The following RAB10 variants were observed in gnomAD, a reference collection of about 807,000 sequenced individuals.
RAB10 encodes the protein RAB10, member RAS oncogene family.
A neutral mutation model predicts 25.7 loss-of-function variants in RAB10; 5 were observed. The ratio of observed to expected loss-of-function variants is 0.19; its 90% CI spans 0.10 to 0.41. The LOEUF (loss-of-function observed/expected upper bound fraction) is 0.41. Ranked by LOEUF, RAB10 falls within the 10% of genes least tolerant of loss-of-function variation. The pLI is 1.00. For synonymous variants in RAB10, 89 were observed against 86.4 expected (o/e 1.03, Z -0.16); for missense variants, 103 against 245.8 (o/e 0.42, Z 3.89).
At chr2:26,061,003 T>A (rs1666381745) in intron 1 of RAB10, among the ~76,000 whole-genome samples, 1 of 151,604 alleles carries the variant, frequency 6.6e-6, no homozygotes, top group Non-Finnish European at 1.5e-5. Context: ...GTAGTTTCTT[T>A]ATATAAAATA....
rs1431488561 is a variant in RAB10, at chr2:26,131,213, G to GA, written c.519+3264dup. ...TTTGGCTTCCCTGGGCCACAGTGGAGAAGAAGAATTGTCTTGGACCACATA... is the reference window on the plus strand; with the variant it reads ...TTTGGCTTCCCTGGGCCACAGTGGAGAAAGAAGAATTGTCTTGGACCACATA... On this transcript the variant is annotated intron_variant, in intron 5 of 5. Coordinates refer to ENST00000264710, the MANE Select transcript of RAB10 (RefSeq NM_016131.5). 1.1e-4 allele frequency among the ~76,000 whole-genome samples: 17 copies of GA among 152,172 alleles called. 1 individual carries two copies. The highest frequency in any genetic ancestry group is 3.9e-4 in the Admixed American group (6 of 15,282).
chr2:26,054,084 G>T (rs1340047388), intron 1 of RAB10, among the ~76,000 whole-genome samples: 1 of 120,098 alleles, frequency 8.3e-6, no homozygotes, highest in East Asian at 2.4e-4. Flanking sequence ...GTCTTGCTCT[G>T]TCGCCCAGGG....
At position 26,109,786 on chromosome 2, in the gene RAB10, G is replaced by A. The variant is rs753979242; in HGVS notation, c.207G>A (p.Glu69=). 1.2e-6 allele frequency: 2 copies of A among 1,602,716 alleles called. No homozygotes were observed. Among genetic ancestry groups the A allele is most frequent in the South Asian group, 1.1e-5 (1 of 88,956 alleles). ...ATTTCAGGGATACAGCAGGCCAGGA[G>A]CGATTTCACACCATCACAACCTCCT... ...KLQIWDTAGQ[E]RFHTITTSYY... The change falls in exon 3 of 6, where the codon GAG becomes GAA. Residue 69 remains glutamate (E), a synonymous_variant. Coordinates refer to ENST00000264710, the MANE Select transcript of RAB10 (RefSeq NM_016131.5).
intron 3 of RAB10, among the ~76,000 whole-genome samples, chr2:26,121,072 C>T (rs942328614): frequency 6.6e-6 from 1 of 151,982 alleles, no homozygotes; most frequent in Non-Finnish European, 1.5e-5. Context: ...TCGCCACACC[C>T]GGCTAATTTT....
At chr2:26,130,790 A>T (rs991561890) in intron 5 of RAB10, among the ~76,000 whole-genome samples, 3 of 152,166 alleles carry the variant, frequency 2.0e-5, no homozygotes, top group Admixed American at 2.0e-4. Flanking sequence ...AAATAGAAAA[A>T]TGCTTGTTTT....
At chr2:26,090,534 T>C (rs1008352051) in intron 1 of RAB10, among the ~76,000 whole-genome samples, 1 of 152,006 alleles carries the variant, frequency 6.6e-6, no homozygotes, top group Non-Finnish European at 1.5e-5. Flanking sequence ...TATGTCACTT[T>C]CTCTGTTCTT....
At position 26,114,849 on chromosome 2, in the gene RAB10, C is replaced by CCATG. The variant is rs576008915; in HGVS notation, c.327+4944_327+4947dup. 6.7e-4 allele frequency among the ~76,000 whole-genome samples: 102 copies of CCATG among 151,888 alleles called. 1 individual carries two copies. The highest frequency in any genetic ancestry group is 2.4e-3 in the African/African-American group (99 of 41,382). ...CCCAGGAGGTCGAGGCTGCAGTGAA[C>CCATG]CATGATTGCATTACTACACTCCAGC... On this transcript the variant is annotated intron_variant, in intron 3 of 5. Coordinates refer to ENST00000264710, the MANE Select transcript of RAB10 (RefSeq NM_016131.5).
intron 1 of RAB10, among the ~76,000 whole-genome samples, chr2:26,036,835 G>A (rs1217764803): frequency 2.6e-5 from 4 of 151,868 alleles, no homozygotes; most frequent in Non-Finnish European, 5.9e-5. Context: ...TGTGGCCCAG[G>A]CTGGAGTGCA....
intron 3 of RAB10, among the ~76,000 whole-genome samples, chr2:26,119,604 C>T (rs1234023569): frequency 6.6e-6 from 1 of 151,990 alleles, no homozygotes; most frequent in Non-Finnish European, 1.5e-5. Context: ...TTACTGCAGC[C>T]TCTACCTCCT....
In RAB10 at chr2:26,094,644, C is replaced by T. The variant is rs146650906; in HGVS notation, c.128-4018C>T. ...TGCGATCTTGGCTCACTGCAGCCTGCGCCTCCCGGGTTCAAGCAATTCTCG... is the reference window on the plus strand; with the variant it reads ...TGCGATCTTGGCTCACTGCAGCCTGTGCCTCCCGGGTTCAAGCAATTCTCG... On this transcript the variant is annotated intron_variant, in intron 1 of 5. Coordinates refer to ENST00000264710, the MANE Select transcript of RAB10 (RefSeq NM_016131.5). 6.1e-3 allele frequency among the ~76,000 whole-genome samples: 926 copies of T among 152,178 alleles called. 7 individuals carry two copies. The highest frequency in any genetic ancestry group is 0.021 in the African/African-American group (868 of 41,514).
intron 3 of RAB10, among the ~76,000 whole-genome samples, chr2:26,118,251 G>A (rs377710890): frequency 9.3e-4 from 142 of 152,168 alleles, no homozygotes; most frequent in African/African-American, 3.0e-3. Context: ...GATTACAGGC[G>A]TGAGCTACCA....
chr2:26,064,829 T>C (rs578118855), intron 1 of RAB10, among the ~76,000 whole-genome samples: 1 of 152,328 alleles, frequency 6.6e-6, no homozygotes, highest in Admixed American at 6.5e-5. Context: ...GGAGGATCTC[T>C]TGAAGCCAGG....
chr2:26,078,686 C>G (rs1487131304), intron 1 of RAB10, among the ~76,000 whole-genome samples: 1 of 151,982 alleles, frequency 6.6e-6, no homozygotes, highest in Admixed American at 6.6e-5. Flanking sequence ...GGCTATAGAC[C>G]TGATGAACCT....
intron 1 of RAB10, among the ~76,000 whole-genome samples, chr2:26,096,273 A>AT (rs1667207802): frequency 6.6e-6 from 1 of 152,172 alleles, no homozygotes; most frequent in Admixed American, 6.5e-5. Flanking sequence ...CAAATGGACT[A>AT]TTGCTGTCAT....
At chr2:26,098,437 C>T in intron 1 of RAB10, 1 of 463,390 alleles carries the variant, frequency 2.2e-6, no homozygotes, top group Non-Finnish European at 3.8e-6. Context: ...CCATGCCCAG[C>T]CCAAAACTTG....
At chr2:26,074,538 C>T (rs1246778305) in intron 1 of RAB10, among the ~76,000 whole-genome samples, 3 of 152,178 alleles carry the variant, frequency 2.0e-5, no homozygotes, top group Non-Finnish European at 4.4e-5. Context: ...CCTGCCTCAG[C>T]CTCCCGAGTA....
chr2:26,091,938 A>G (rs569979644), intron 1 of RAB10, among the ~76,000 whole-genome samples: 7 of 152,132 alleles, frequency 4.6e-5, no homozygotes, highest in Non-Finnish European at 7.4e-5. Context: ...TTGGGAGGCC[A>G]AGGTGAGTGG....
intron 5 of RAB10, among the ~76,000 whole-genome samples, chr2:26,131,451 T>C (rs569604195): frequency 1.3e-5 from 2 of 152,342 alleles, no homozygotes; most frequent in East Asian, 3.9e-4. Context: ...TACACTTAGA[T>C]GTGGTGAAGT....
intron 5 of RAB10, 59 bp from the exon 6 acceptor site, chr2:26,134,879 G>A (rs2243834): frequency 1.5e-6 from 2 of 1,353,824 alleles, no homozygotes; most frequent in Non-Finnish European, 1.0e-6. Context: ...CTGTTGAATC[G>A]TGATTTTATC....
Sources: gnomAD v4.1 joint callset for allele counts (sites outside exome capture counted in the v4.1 genomes callset) on GRCh38, gnomAD v4.1.1 for gene constraint, MANE v1.5 for transcripts, NCBI Gene and HGNC (gene_info 2026-07-23, HGNC 2026-07-21) for gene names.